Variants in TMEM163 observed in about 807,000 individuals in gnomAD.
The protein encoded by TMEM163 is transmembrane protein 163.
In TMEM163, 17 loss-of-function variants were observed where a neutral mutation model predicts 29.3. The ratio of observed to expected loss-of-function variants is 0.58; its 90% confidence interval spans 0.40 to 0.87. The LOEUF (loss-of-function observed/expected upper bound fraction) is 0.87. Among genes scored for constraint, TMEM163 ranks in the 40% least tolerant of loss-of-function variants. The pLI is 0.00. For missense variants in TMEM163, 303 were observed against 381.5 expected, an observed-to-expected ratio of 0.79 and a Z score of 1.71; for synonymous variants, 157 against 160.6, an observed-to-expected ratio of 0.98 and a Z score of 0.17.
intron 2 of TMEM163, among the ~76,000 whole-genome samples, chr2:134,631,448 T>C (rs1682968115): frequency 6.6e-6 from 1 of 152,226 alleles, no homozygotes; most frequent in Non-Finnish European, 1.5e-5. Context: ...AGTAGCACAC[T>C]AACCCCCAAG....
chr2:134,503,894 GA>G (rs1679758080), intron 4 of TMEM163, among the ~76,000 whole-genome samples: 1 of 152,140 alleles, frequency 6.6e-6, no homozygotes, highest in Non-Finnish European at 1.5e-5. Flanking sequence ...GACGGAAGAT[GA>G]AGGTAGGCAT....
intron 4 of TMEM163, among the ~76,000 whole-genome samples, chr2:134,531,695 AG>A (rs1680419582): frequency 6.6e-6 from 1 of 150,902 alleles, no homozygotes; most frequent in South Asian, 2.1e-4. Context: ...AAGGGGGTAC[AG>A]TGCTTCCATG....
At chr2:134,463,939 T>C (rs1229950297) in intron 6 of TMEM163, among the ~76,000 whole-genome samples, 1 of 152,206 alleles carries the variant, frequency 6.6e-6, no homozygotes, top group Non-Finnish European at 1.5e-5. Flanking sequence ...CATCTGGAGC[T>C]TGAGGAAGGG....
At chr2:134,547,939 G>A (rs6430524) in intron 4 of TMEM163, among the ~76,000 whole-genome samples, 19,049 of 152,144 alleles carry the variant, frequency 0.13, 2,640 homozygotes, top group African/African-American at 0.34. Flanking sequence ...AGATCCCAAC[G>A]CTATAGAAAA....
intron 7 of TMEM163, among the ~76,000 whole-genome samples, chr2:134,457,749 G>A (rs897072089): frequency 1.2e-4 from 19 of 152,236 alleles, no homozygotes; most frequent in African/African-American, 4.6e-4. Flanking sequence ...GAGCATAGAT[G>A]TCAGGACACG....
chr2:134,691,642 A>G (rs141031562), intron 2 of TMEM163, among the ~76,000 whole-genome samples: 141 of 152,310 alleles, frequency 9.3e-4, no homozygotes, highest in South Asian at 8.3e-3. Context: ...AGACAGCACT[A>G]TGCTGACAGT....
intron 7 of TMEM163, among the ~76,000 whole-genome samples, chr2:134,457,284 A>G (rs1033269803): frequency 3.3e-5 from 5 of 152,146 alleles, no homozygotes; most frequent in African/African-American, 1.2e-4. Context: ...GTTTGTTTCC[A>G]TCCTCCCGCA....
At chr2:134,463,360 C>T (rs2321981) in intron 6 of TMEM163, among the ~76,000 whole-genome samples, 25,086 of 152,216 alleles carry the variant, frequency 0.16, 4,198 homozygotes, top group African/African-American at 0.42. Flanking sequence ...AGAAGGGCTC[C>T]ATGGCCAAGG....
At position 134,600,868 on chromosome 2, in the gene TMEM163, C is replaced by T. The variant is rs1682213033; in HGVS notation, c.323-48777G>A. ...GCCTCTCTGGGCCCCAGCTCCCTCA[C>T]CCATGAGAGAGGGCACTACATTTGC... On this transcript the variant is annotated intron_variant, in intron 2 of 7. Coordinates refer to ENST00000281924, the MANE Select transcript of TMEM163 (RefSeq NM_030923.5). Among the ~76,000 whole-genome samples, 3 of 152,136 alleles carry T rather than the reference C, an allele frequency of 2.0e-5. 1 individual carries two copies. The South Asian group carries it at 6.2e-4, about 32-fold the overall frequency.
chr2:134,651,905 T>C (rs1309708734), intron 2 of TMEM163, among the ~76,000 whole-genome samples: 1 of 107,768 alleles, frequency 9.3e-6, no homozygotes, highest in Non-Finnish European at 1.8e-5. Flanking sequence ...TTGATCTATA[T>C]CTCTGTTTTG....
At chr2:134,604,149 T>C (rs1026144804) in intron 2 of TMEM163, among the ~76,000 whole-genome samples, 1 of 152,070 alleles carries the variant, frequency 6.6e-6, no homozygotes, top group African/African-American at 2.4e-5. Context: ...CATCTGACCC[T>C]AAGTAACTCT....
chr2:134,478,771 G>T (rs1201309340), intron 5 of TMEM163, among the ~76,000 whole-genome samples: 2 of 152,182 alleles, frequency 1.3e-5, no homozygotes, highest in African/African-American at 4.8e-5. Flanking sequence ...AGGACTGAAA[G>T]GGAGCCAGGT....
chr2:134,641,829 C>A (rs902172556), intron 2 of TMEM163, among the ~76,000 whole-genome samples: 1 of 152,132 alleles, frequency 6.6e-6, no homozygotes, highest in Non-Finnish European at 1.5e-5. Context: ...TATGTGCTAT[C>A]TACAGACTAC....
At chr2:134,690,754 G>C (rs976333985) in intron 2 of TMEM163, among the ~76,000 whole-genome samples, 2 of 152,186 alleles carry the variant, frequency 1.3e-5, no homozygotes, top group African/African-American at 4.8e-5. Context: ...TCTTTACACA[G>C]CTATTCTCAA....
At position 134,496,140 on chromosome 2, in the gene TMEM163, C is replaced by T. The variant is rs192421151; in HGVS notation, c.555+6761G>A. On this transcript the variant is annotated intron_variant, in intron 5 of 7. Transcript: ENST00000281924. ...GCAGTGGCGCAATCTTGGCTCACTGCGGCCTCCACCTCCAGGGTTCAACCA... is the reference window on the plus strand; with the variant it reads ...GCAGTGGCGCAATCTTGGCTCACTGTGGCCTCCACCTCCAGGGTTCAACCA... Among the ~76,000 whole-genome samples, 339 of 151,742 alleles carry T rather than the reference C, an allele frequency of 2.2e-3. 2 individuals are homozygous for T. The highest frequency in any genetic ancestry group is 0.01 in the Middle Eastern group (3 of 294).
chr2:134,629,766 A>G (rs1239900821), intron 2 of TMEM163, among the ~76,000 whole-genome samples: 4 of 152,236 alleles, frequency 2.6e-5, no homozygotes, highest in African/African-American at 9.6e-5. Context: ...CAGGTTTCAC[A>G]TAAGAGTATA....
At chr2:134,467,923 CG>C (rs1195282403) in intron 5 of TMEM163, 1 of 152,164 alleles carries the variant, frequency 6.6e-6, no homozygotes, top group Non-Finnish European at 1.5e-5. Flanking sequence ...AATCACCTCA[CG>C]GAAGTTTTAC....
chr2:134,656,695 G>A (rs898455526), intron 2 of TMEM163, among the ~76,000 whole-genome samples: 1 of 152,198 alleles, frequency 6.6e-6, no homozygotes, highest in Non-Finnish European at 1.5e-5. Context: ...AATGGTTGTA[G>A]CCTTTGCCCA....
At chr2:134,633,045 ACTGCACCAGGCCAAGGC>A (rs1173868614) in intron 2 of TMEM163, among the ~76,000 whole-genome samples, 1 of 151,384 alleles carries the variant, frequency 6.6e-6, no homozygotes, top group African/African-American at 2.4e-5. Context: ...GGCGTGAGCC[ACTGCACCAGGCCAAGGC>A]CCTACGTTCT....
Sources: gnomAD v4.1 joint callset for allele counts (sites outside exome capture counted in the v4.1 genomes callset) on GRCh38, gnomAD v4.1.1 for gene constraint, MANE v1.5 for transcripts, NCBI Gene and HGNC (gene_info 2026-07-23, HGNC 2026-07-21) for gene names.